The following GSAP variants were observed in gnomAD, a reference collection of about 807,000 sequenced individuals.
The protein encoded by GSAP is gamma-secretase-activating protein.
A neutral mutation model predicts 131.7 loss-of-function variants in GSAP; 118 were observed. The ratio of observed to expected loss-of-function variants is 0.90; its 90% confidence interval spans 0.77 to 1.04. The LOEUF is 1.04. GSAP is among the 50% of genes least tolerant of loss of function. The pLI is 0.00. For synonymous variants in GSAP, 381 were observed against 363.4 expected (o/e 1.05, Z -0.55); for missense variants, 1,019 against 1,013.2 (o/e 1.01, Z -0.08).
chr7:77,404,690 C>CTTTATTTTCTCTTTTT, intron 2 of GSAP, 75 bp from the exon 3 acceptor site: 1 of 810,932 alleles, frequency 1.2e-6, no homozygotes, highest in Non-Finnish European at 2.1e-6. Flanking sequence ...TTAAAACCAA[C>CTTTATTTTCTCTTTTT]CTGCAATAAC....
At chr7:77,358,107 G>A (rs916341277) in intron 14 of GSAP, among the ~76,000 whole-genome samples, 1 of 152,214 alleles carries the variant, frequency 6.6e-6, no homozygotes, top group Admixed American at 6.5e-5. Flanking sequence ...TTGGGAGGCT[G>A]AGGCAGGTGG....
intron 22 of GSAP, chr7:77,328,347 A>G (rs1788607632): frequency 6.5e-6 from 8 of 1,234,200 alleles, no homozygotes; most frequent in Middle Eastern, 3.1e-4. Context: ...GTATGACAGG[A>G]AATAAGGAGA....
intron 28 of GSAP, among the ~76,000 whole-genome samples, chr7:77,313,122 G>C (rs1794592276): frequency 6.6e-6 from 1 of 152,200 alleles, no homozygotes; most frequent in African/African-American, 2.4e-5. Context: ...AGAACCTTCT[G>C]TCCTCACCTG....
chr7:77,330,573 CTT>C (rs750457611), intron 19 of GSAP: 20,826 of 729,746 alleles, frequency 0.029, no homozygotes, highest in South Asian at 0.038. Flanking sequence ...TTTTCTGTCT[CTT>C]TTTTTTTTTT....
chr7:77,396,402 T>C (rs1403080060), intron 5 of GSAP, among the ~76,000 whole-genome samples: 1 of 152,160 alleles, frequency 6.6e-6, no homozygotes, highest in Non-Finnish European at 1.5e-5. Flanking sequence ...TAGATGCCTA[T>C]ACCTCTCTTA....
At chr7:77,398,831 C>T (rs1315837475) in intron 3 of GSAP, among the ~76,000 whole-genome samples, 1 of 152,088 alleles carries the variant, frequency 6.6e-6, no homozygotes, top group Non-Finnish European at 1.5e-5. Context: ...AACTCTCTTC[C>T]AAAAGGAAGC....
intron 5 of GSAP, among the ~76,000 whole-genome samples, chr7:77,387,779 G>C (rs931956920): frequency 1.3e-5 from 2 of 152,124 alleles, no homozygotes; most frequent in East Asian, 1.9e-4. Context: ...TGTGAAAAGG[G>C]AAGTCTTTGA....
rs548158090 is a variant in GSAP at position 77,399,567 on chromosome 7, A to C, written c.244-2152T>G. On this transcript the variant is annotated intron_variant, in intron 3 of 30. Transcript: ENST00000257626. ...ATGACAGAAGGTGGGAGAAAGAGGT[A>C]GAAGAGGGTGAGGAAGGAAAGCTAT... Among the ~76,000 whole-genome samples the C allele has an allele frequency of 2.1e-3, 323 of 152,312 alleles. 5 individuals carry two copies. The highest frequency in any genetic ancestry group is 3.4e-3 in the Middle Eastern group (1 of 294).
intron 24 of GSAP, among the ~76,000 whole-genome samples, chr7:77,323,427 G>C (rs1344639516): frequency 6.6e-6 from 1 of 152,198 alleles, no homozygotes; most frequent in Non-Finnish European, 1.5e-5. Context: ...ATCAGTATTT[G>C]AAGGAAGGGC....
In GSAP at chr7:77,416,230, GC is replaced by G; in HGVS notation, c.91del (p.Ala31ProfsTer9). 2 of 1,470,128 alleles carry G rather than the reference GC, an allele frequency of 1.4e-6. No individual in the cohort carries two copies. Among genetic ancestry groups the G allele is most frequent in the Admixed American group, 2.5e-5 (1 of 39,962 alleles). 91.1% of individuals were successfully genotyped at this position (1,470,128 alleles called of 1,614,324 possible). ...AQRAVSEASG[A>X]GSGGADVLEN... The stretch of plus-strand genomic sequence containing the variant: ...TCCCGCACCTGCGCCGCCGCTTCCG[GC>G]CCCGCTGGCCTCCGACACTGCCCGC... On this transcript the variant is annotated frameshift_variant, in exon 1 of 31. Coordinates refer to ENST00000257626, the MANE Select transcript of GSAP (RefSeq NM_017439.4). LOFTEE classifies it high-confidence loss of function.
chr7:77,391,737 AG>A (rs1277691687), intron 5 of GSAP, among the ~76,000 whole-genome samples: 1 of 152,182 alleles, frequency 6.6e-6, no homozygotes, highest in Admixed American at 6.5e-5. Flanking sequence ...CAGAAGGTTG[AG>A]GTGGGAAGAT....
At chr7:77,416,374 C>T, upstream of GSAP, 1 of 1,040,262 alleles carries the variant, frequency 9.6e-7, no homozygotes. Flanking sequence ...CGGGCATTCC[C>T]GGCCCCGCGT....
intron 8 of GSAP, among the ~76,000 whole-genome samples, chr7:77,381,029 G>C (rs1260996598): frequency 6.6e-6 from 1 of 152,188 alleles, no homozygotes; most frequent in Admixed American, 6.5e-5. Flanking sequence ...CCTTGCATAG[G>C]TTTGCACGAG....
intron 1 of GSAP, among the ~76,000 whole-genome samples, chr7:77,409,122 G>C (rs1185853978): frequency 6.6e-6 from 1 of 152,160 alleles, no homozygotes; most frequent in African/African-American, 2.4e-5. Flanking sequence ...GGAGCTGTCA[G>C]ACTCACTTCA....
intron 12 of GSAP, among the ~76,000 whole-genome samples, chr7:77,367,648 G>A (rs1177227016): frequency 6.6e-6 from 1 of 152,130 alleles, no homozygotes; most frequent in African/African-American, 2.4e-5. Context: ...CAAGGATATT[G>A]GCCTGAAGTT....
intron 1 of GSAP, 91 bp from the exon 2 acceptor site, chr7:77,406,196 T>C (rs1442726650): frequency 4.6e-6 from 3 of 657,592 alleles, no homozygotes; most frequent in African/African-American, 3.9e-5. Flanking sequence ...AATATAAATA[T>C]ATACTAATAA....
chr7:77,413,231 G>A (rs7804586), intron 1 of GSAP, among the ~76,000 whole-genome samples: 5,109 of 152,276 alleles, frequency 0.034, 292 homozygotes, highest in African/African-American at 0.12. Context: ...ATCCTCAGGT[G>A]ACCTTGGGTC....
At chr7:77,359,299 T>C (rs1794201350) in intron 14 of GSAP, among the ~76,000 whole-genome samples, 1 of 152,184 alleles carries the variant, frequency 6.6e-6, no homozygotes, top group African/African-American at 2.4e-5. Flanking sequence ...TCAGTTTCAT[T>C]ATCTGTAAAA....
intron 12 of GSAP, among the ~76,000 whole-genome samples, chr7:77,363,924 AAG>A (rs1794898429): frequency 6.6e-6 from 1 of 152,178 alleles, no homozygotes; most frequent in Non-Finnish European, 1.5e-5. Flanking sequence ...TAATAATTAT[AAG>A]AGTTACAAAA....
Sources: allele counts gnomAD v4.1 joint callset (sites outside exome capture counted in the v4.1 genomes callset), GRCh38; gene constraint gnomAD v4.1.1; transcripts MANE v1.5; gene names NCBI Gene and HGNC (gene_info 2026-07-23, HGNC 2026-07-21).